Variants in NALF1 observed in about 807,000 individuals in gnomAD.
NALF1 encodes family with sequence similarity 155 member A.
A neutral mutation model predicts 48.4 loss-of-function variants in NALF1; 3 were observed. That is an observed-to-expected ratio of 0.06 (90% confidence interval 0.03 to 0.16). The LOEUF is 0.16. Ranked by LOEUF, NALF1 falls within the 10% of genes least tolerant of loss-of-function variation. NALF1 has a pLI of 1.00. For missense variants in NALF1, 526 were observed against 571.5 expected (o/e 0.92, Z 0.81); for synonymous variants, 262 against 245.7 (o/e 1.07, Z -0.62).
intron 1 of NALF1, among the ~76,000 whole-genome samples, chr13:107,780,047 T>TC (rs1405949180): frequency 2.2e-4 from 32 of 144,884 alleles, no homozygotes; most frequent in African/African-American, 8.2e-4. Flanking sequence ...TTTTTTTTTT[T>TC]CTGAATGTAC....
chr13:107,406,881 C>T lies in NALF1; in HGVS notation c.916-196126G>A, dbSNP rs566794166. ...GACTTCAAACTATACTACAGAGCTA[C>T]AGTAACCAAAACAGCATGGGACTGG... On this transcript the variant is annotated intron_variant, in intron 1 of 2. Transcript: ENST00000375915. Among the ~76,000 whole-genome samples the T allele has an allele frequency of 9.9e-5, 15 of 152,140 alleles. No homozygotes were observed. In the South Asian group the frequency reaches 3.1e-3, roughly 32 times the overall value.
intron 2 of NALF1, among the ~76,000 whole-genome samples, chr13:107,194,114 T>G (rs1405249926): frequency 2.0e-5 from 3 of 152,156 alleles, no homozygotes; most frequent in Non-Finnish European, 4.4e-5. Context: ...CTCTGGATTT[T>G]TCAGTTATAT....
chr13:107,396,284 A>G (rs1883710664), intron 1 of NALF1, among the ~76,000 whole-genome samples: 1 of 152,182 alleles, frequency 6.6e-6, no homozygotes, highest in Non-Finnish European at 1.5e-5. Flanking sequence ...GGGCATCAAC[A>G]TAAAAATGTG....
intron 1 of NALF1, among the ~76,000 whole-genome samples, chr13:107,843,893 T>C (rs572731126): frequency 6.6e-6 from 1 of 152,310 alleles, no homozygotes; most frequent in East Asian, 1.9e-4. Flanking sequence ...AAAATTATAT[T>C]GTGTAACATA....
At chr13:107,243,209 G>A (rs1272352001) in intron 1 of NALF1, among the ~76,000 whole-genome samples, 3 of 152,134 alleles carry the variant, frequency 2.0e-5, no homozygotes, top group South Asian at 2.1e-4. Context: ...CTGCCGCTGC[G>A]TCTATTTCCT....
intron 1 of NALF1, among the ~76,000 whole-genome samples, chr13:107,815,351 T>C (rs559881378): frequency 6.6e-6 from 1 of 152,098 alleles, no homozygotes; most frequent in Admixed American, 6.5e-5. Context: ...AATCAAATGA[T>C]CTGAATAGAA....
intron 1 of NALF1, among the ~76,000 whole-genome samples, chr13:107,803,310 C>T (rs1277726073): frequency 6.6e-6 from 1 of 152,048 alleles, no homozygotes; most frequent in Non-Finnish European, 1.5e-5. Context: ...CATTATATTT[C>T]TATATTAAAT....
chr13:107,597,028 A>C (rs1214019561), intron 1 of NALF1, among the ~76,000 whole-genome samples: 2 of 152,160 alleles, frequency 1.3e-5, no homozygotes, highest in Non-Finnish European at 2.9e-5. Context: ...CCCCTGCTTC[A>C]GTTTTCTATT....
At chr13:107,585,488 T>C (rs946756743) in intron 1 of NALF1, among the ~76,000 whole-genome samples, 1 of 152,332 alleles carries the variant, frequency 6.6e-6, no homozygotes, top group East Asian at 1.9e-4. Context: ...TCTGAAGGTT[T>C]CATAGAGGCA....
At chr13:107,626,065 C>A (rs909576311) in intron 1 of NALF1, among the ~76,000 whole-genome samples, 2 of 151,884 alleles carry the variant, frequency 1.3e-5, no homozygotes, top group African/African-American at 4.8e-5. Context: ...TTATGAACAA[C>A]ATAAGATTGG....
intron 1 of NALF1, among the ~76,000 whole-genome samples, chr13:107,490,786 G>C (rs1398986833): frequency 6.6e-6 from 1 of 152,018 alleles, no homozygotes; most frequent in Non-Finnish European, 1.5e-5. Flanking sequence ...TTATGGTGTA[G>C]AAACACAATA....
chr13:107,685,273 C>T (rs551999125), intron 1 of NALF1, among the ~76,000 whole-genome samples: 31 of 152,060 alleles, frequency 2.0e-4, no homozygotes, highest in Non-Finnish European at 4.0e-4. Flanking sequence ...AAGACCTGTG[C>T]CATTGCTCCA....
At chr13:107,283,557 T>A (rs759888586) in intron 1 of NALF1, among the ~76,000 whole-genome samples, 1 of 152,126 alleles carries the variant, frequency 6.6e-6, no homozygotes, top group African/African-American at 2.4e-5. Context: ...GAAGATGGCA[T>A]CCCGTGTTCC....
At chr13:107,754,502 G>C (rs1594245529) in intron 1 of NALF1, among the ~76,000 whole-genome samples, 1 of 152,000 alleles carries the variant, frequency 6.6e-6, no homozygotes, top group East Asian at 1.9e-4. Flanking sequence ...AGGAATGAAA[G>C]TGTTTTTGCT....
chr13:107,712,789 C>G (rs1207684451), intron 1 of NALF1, among the ~76,000 whole-genome samples: 2 of 152,224 alleles, frequency 1.3e-5, no homozygotes, highest in African/African-American at 4.8e-5. Context: ...AGACAGTCTA[C>G]AAAAGCTTTT....
chr13:107,344,883 T>A (rs1882745077), intron 1 of NALF1, among the ~76,000 whole-genome samples: 1 of 152,034 alleles, frequency 6.6e-6, no homozygotes, highest in Non-Finnish European at 1.5e-5. Context: ...AAGGAAGAAG[T>A]AAAATTATCT....
chr13:107,810,104 C>A (rs1878942577), intron 1 of NALF1, among the ~76,000 whole-genome samples: 1 of 152,026 alleles, frequency 6.6e-6, no homozygotes, highest in Non-Finnish European at 1.5e-5. Context: ...TTTCTACTTC[C>A]TTACCAATCC....
chr13:107,325,887 TACACACACAC>T, intron 1 of NALF1, among the ~76,000 whole-genome samples: 1 of 58,878 alleles, frequency 1.7e-5, no homozygotes, highest in African/African-American at 5.3e-5. Context: ...TATATATATA[TACACACACAC>T]ACACACACAC....
At chr13:107,810,574 A>G (rs966317915) in intron 1 of NALF1, among the ~76,000 whole-genome samples, 1 of 152,164 alleles carries the variant, frequency 6.6e-6, no homozygotes, top group African/African-American at 2.4e-5. Context: ...TCCTGAAAAC[A>G]TCTTAAACTG....
Sources: allele counts gnomAD v4.1 joint callset (sites outside exome capture counted in the v4.1 genomes callset), GRCh38; gene constraint gnomAD v4.1.1; transcripts MANE v1.5; gene names NCBI Gene and HGNC (gene_info 2026-07-23, HGNC 2026-07-21).